Variants in SLC35F6 observed in about 807,000 individuals in gnomAD.
SLC35F6 encodes ANT2-binding protein.
Under a neutral mutation model 29.4 loss-of-function variants are expected in SLC35F6, and 26 were observed. The ratio of observed to expected loss-of-function variants is 0.89; its 90% CI spans 0.65 to 1.23. The LOEUF (loss-of-function observed/expected upper bound fraction) is 1.23. Ranked by LOEUF, SLC35F6 falls within the 50% of genes most tolerant of loss-of-function variation. The probability of loss-of-function intolerance (pLI) is 0.00; values close to 1 mark genes in which losing one functional copy is unlikely to be tolerated. For synonymous variants in SLC35F6, 174 were observed against 206.6 expected, an observed-to-expected ratio of 0.84 and a Z score of 1.35; for missense variants, 428 against 487.8, an observed-to-expected ratio of 0.88 and a Z score of 1.15.
rs762246174 is a variant in SLC35F6 at position 26,775,663 on chromosome 2, C to T, written c.522C>T (p.Ser174=). Residue 174 remains serine (S), a synonymous_variant, in exon 4 of 6, where the codon AGC becomes AGT. Coordinates refer to ENST00000344420, the MANE Select transcript of SLC35F6 (RefSeq NM_017877.4). The surrounding 1 kb of genome is among the most constrained non-coding windows in gnomAD (Gnocchi z 4.6). The stretch of plus-strand genomic sequence containing the variant: ...AGCACGACAGTCAGCACAAGCTCAG[C>T]GAAGTGATCACAGGTGCGGCCAGGG... The part of the protein sequence containing the change: ...LSKHDSQHKL[S]EVITGDLLII... 6 of 1,584,890 alleles carry T rather than the reference C, an allele frequency of 3.8e-6. No individual in the cohort carries two copies. Among genetic ancestry groups the T allele is most frequent in the African/African-American group, 1.3e-5 (1 of 74,444 alleles).
chr2:26,774,161 T>G, intron 1 of SLC35F6, 90 bp from the exon 2 acceptor site: 11 of 1,515,004 alleles, frequency 7.3e-6, no homozygotes, highest in Non-Finnish European at 9.1e-6. Flanking sequence ...CACCCAGGTC[T>G]GGGCCTCTTG....
At chr2:26,774,682 A>C (rs1664264169) in intron 2 of SLC35F6, among the ~76,000 whole-genome samples, 1 of 152,234 alleles carries the variant, frequency 6.6e-6, no homozygotes, top group African/African-American at 2.4e-5. Flanking sequence ...TGAACTGAGA[A>C]TCAGGAGACT....
chr2:26,777,464 G>A (rs1264440482), intron 5 of SLC35F6, among the ~76,000 whole-genome samples: 1 of 152,202 alleles, frequency 6.6e-6, no homozygotes, highest in African/African-American at 2.4e-5. Flanking sequence ...GGTGAGCTAA[G>A]GGACTTAGGC....
At chr2:26,764,850 G>C (rs1017205303) in intron 1 of SLC35F6, 1 of 985,388 alleles carries the variant, frequency 1.0e-6, no homozygotes. Context: ...GGCAGACAGG[G>C]AGGTGCCCCA....
At chr2:26,769,447 C>G (rs1419587110) in intron 1 of SLC35F6, among the ~76,000 whole-genome samples, 3 of 152,230 alleles carry the variant, frequency 2.0e-5, no homozygotes, top group African/African-American at 7.2e-5. Context: ...CTCCCACCAG[C>G]TAGGGGAGCA....
chr2:26,774,184 G>C lies in SLC35F6; in HGVS notation c.78-67G>C. On this transcript the variant is annotated intron_variant, in intron 1 of 5. Transcript: ENST00000344420. Reference sequence around the variant, plus strand: ...TCTGGGCCTCTTGACATTGAGAGGTGTGAGCCTCTTCACTAGCACCAGGGT... The same window carrying C: ...TCTGGGCCTCTTGACATTGAGAGGTCTGAGCCTCTTCACTAGCACCAGGGT... The C allele has an allele frequency of 6.3e-6, 10 of 1,593,832 alleles. No homozygotes were observed. In the South Asian group the frequency reaches 8.9e-5, roughly 14 times the overall value.
In SLC35F6 at chr2:26,775,403, C is replaced by A; in HGVS notation, c.323-61C>A. 6.3e-7 allele frequency: 1 copy of A among 1,579,222 alleles called. No homozygotes were observed. On this transcript the variant is annotated intron_variant, in intron 3 of 5. Transcript: ENST00000344420. The surrounding 1 kb of genome is among the most constrained non-coding windows in gnomAD (Gnocchi z 4.6). ...CTTGGCATGTCTATCACCAAAGACC[C>A]CTTAGTGACAGATGGCCTTCGCCTT... is the stretch of plus-strand genomic sequence containing the variant.
chr2:26,764,840 G>A, intron 1 of SLC35F6: 1 of 985,354 alleles, frequency 1.0e-6, no homozygotes, highest in Non-Finnish European at 1.2e-6. Context: ...GGCCTCAAGC[G>A]GCAGACAGGG....
At chr2:26,768,797 C>T (rs1469301805) in intron 1 of SLC35F6, among the ~76,000 whole-genome samples, 2 of 152,020 alleles carry the variant, frequency 1.3e-5, no homozygotes, top group Admixed American at 6.6e-5. Flanking sequence ...CACCCGCCAC[C>T]GTGCCCACCT....
At position 26,776,143 on chromosome 2, in the gene SLC35F6, C is replaced by T. The variant is rs999606734; in HGVS notation, c.536-229C>T. ...TTCTTGAAAGACCTGCGTCATACCC[C>T]GTGGGGCAGCTCTTAGACACAGGCA... On this transcript the variant is annotated intron_variant, in intron 4 of 5. Transcript: ENST00000344420. Among the ~76,000 whole-genome samples, 7 of 152,210 alleles carry T rather than the reference C, an allele frequency of 4.6e-5. 1 individual carries two copies. Among genetic ancestry groups the T allele is most frequent in the South Asian group, 4.1e-4 (2 of 4,834 alleles).
intron 1 of SLC35F6, among the ~76,000 whole-genome samples, chr2:26,767,422 G>T (rs1373812409): frequency 1.3e-5 from 2 of 152,220 alleles, no homozygotes. Context: ...AGGTTCTTGG[G>T]AGGATGAAAG....
chr2:26,770,493 G>A (rs1664178219), intron 1 of SLC35F6, among the ~76,000 whole-genome samples: 1 of 152,078 alleles, frequency 6.6e-6, no homozygotes, highest in Non-Finnish European at 1.5e-5. Context: ...TGATACGGGT[G>A]GATCACTTGA....
chr2:26,771,990 A>C (rs1289572388), intron 1 of SLC35F6, among the ~76,000 whole-genome samples: 1 of 151,800 alleles, frequency 6.6e-6, no homozygotes, highest in Non-Finnish European at 1.5e-5. Context: ...CCTTCTAAAC[A>C]GTTCTGTCCG....
rs1255541063 is a variant in SLC35F6, at chr2:26,775,447, T to C, written c.323-17T>C. 1.9e-6 allele frequency: 3 copies of C among 1,608,796 alleles called. No individual in the cohort carries two copies. The highest frequency in any genetic ancestry group is 2.2e-5 in the South Asian group (2 of 90,880). The stretch of plus-strand genomic sequence containing the variant: ...TCGCCTTGGGAAGCTAACTGTAATT[T>C]GTTTCTCCTTTCCTAGCTCTGAACA... On this transcript the variant is annotated splice_polypyrimidine_tract_variant and intron_variant, in intron 3 of 5. Transcript: ENST00000344420. The surrounding 1 kb of genome is among the most constrained non-coding windows in gnomAD (Gnocchi z 4.6).
chr2:26,775,464 C>G lies in SLC35F6; in HGVS notation c.323C>G (p.Ala108Gly). The change falls in exon 4 of 6, where the codon GCT (alanine) becomes GGT (glycine). Residue 108 changes from alanine to glycine, a missense_variant and splice_region_variant. Ala to Gly is a moderately conservative substitution (Grantham distance 60, BLOSUM62 0). Transcript: ENST00000344420. This position sits in a 1 kb window ranked among gnomAD's most constrained non-coding sequence, Gnocchi z 4.6. Reference sequence around the variant, plus strand: ...CTGTAATTTGTTTCTCCTTTCCTAGCTCTGAACATGACCAGTGCCTCCAGC... The same window carrying G: ...CTGTAATTTGTTTCTCCTTTCCTAGGTCTGAACATGACCAGTGCCTCCAGC... Reference protein sequence around the residue: ...DMTGTSLMYVALNMTSASSFQ... With the variant: ...DMTGTSLMYVGLNMTSASSFQ... 1 of 1,612,386 alleles carries G rather than the reference C, an allele frequency of 6.2e-7. No homozygotes were observed. Among genetic ancestry groups the G allele is most frequent in the South Asian group, 1.1e-5 (1 of 91,018 alleles).
chr2:26,769,067 G>A (rs1415907010), intron 1 of SLC35F6, among the ~76,000 whole-genome samples: 1 of 152,202 alleles, frequency 6.6e-6, no homozygotes, highest in African/African-American at 2.4e-5. Flanking sequence ...TCCCAGGCAG[G>A]AGAAAGAAGG....
chr2:26,770,613 G>A (rs1664180064), intron 1 of SLC35F6, among the ~76,000 whole-genome samples: 1 of 152,066 alleles, frequency 6.6e-6, no homozygotes, highest in Non-Finnish European at 1.5e-5. Context: ...AGCTACTTGG[G>A]AGGTTAAGGC....
In SLC35F6 at chr2:26,778,619, C is replaced by A; in HGVS notation, c.*108C>A. ...CCTATCCCCAAGGCCTCACCCTGTC[C>A]CCTCCCTGCAGAACCCCCAGGGCAG... is the stretch of plus-strand genomic sequence containing the variant. On this transcript the variant is annotated 3_prime_UTR_variant, in exon 6 of 6. Transcript: ENST00000344420. 1 of 1,107,846 alleles carries A rather than the reference C, an allele frequency of 9.0e-7. No individual in the cohort carries two copies. Among genetic ancestry groups the A allele is most frequent in the Admixed American group, 2.9e-5 (1 of 34,668 alleles). 68.6% of individuals were successfully genotyped at this position (1,107,846 alleles called of 1,614,324 possible).
chr2:26,779,523 T>G lies in SLC35F6; in HGVS notation c.*1012T>G, dbSNP rs1664369769. ...CACCACCCTTCTGTGCTGTTTTTTT[T>G]GTTGTTTGTTTGTTTCTTCTTTTTG... On this transcript the variant is annotated 3_prime_UTR_variant, in exon 6 of 6. Coordinates refer to ENST00000344420, the MANE Select transcript of SLC35F6 (RefSeq NM_017877.4). The G allele has an allele frequency of 1.3e-5, 2 of 152,316 alleles. No homozygotes were observed. The highest frequency in any genetic ancestry group is 1.5e-5 in the Non-Finnish European group (1 of 68,192). The allele number at this position is 152,316 out of a possible 1,614,324, so 9.4% of individuals were successfully genotyped here. A position where few individuals can be genotyped will look rare whatever the true frequency, so the allele number is the denominator to read the frequency against.
Sources: gnomAD v4.1 joint callset for allele counts (sites outside exome capture counted in the v4.1 genomes callset) on GRCh38, gnomAD v4.1.1 for gene constraint, Gnocchi (gnomAD v3.1) non-coding constraint, MANE v1.5 for transcripts, NCBI Gene and HGNC (gene_info 2026-07-23, HGNC 2026-07-21) for gene names.